AMD1: variants seen among roughly 807,000 people sequenced by gnomAD.
The protein encoded by AMD1 is adenosylmethionine decarboxylase 1.
A neutral mutation model predicts 40.2 loss-of-function variants in AMD1; 11 were observed. The ratio of observed to expected loss-of-function variants is 0.27; its 90% CI spans 0.17 to 0.45. The LOEUF (loss-of-function observed/expected upper bound fraction) is 0.45. Among genes scored for constraint, AMD1 ranks in the 20% least tolerant of loss-of-function variants. AMD1 has a pLI of 1.00. For synonymous variants in AMD1, 121 were observed against 130.8 expected (o/e 0.93, Z 0.51); for missense variants, 257 against 410.2 (o/e 0.63, Z 3.23).
the AMD1 span, among the ~76,000 whole-genome samples, chr6:110,839,862 G>T: frequency 6.6e-6 from 1 of 152,044 alleles, no homozygotes; most frequent in South Asian, 2.1e-4. Context: ...ATCAGGTTCG[G>T]AAAAGAATGT....
upstream of AMD1, among the ~76,000 whole-genome samples, chr6:110,874,617 G>A (rs1024885155): frequency 6.6e-6 from 1 of 152,208 alleles, no homozygotes; most frequent in African/African-American, 2.4e-5. Flanking sequence ...AGCGCAGTGG[G>A]CAGCTCCCCG....
At chr6:110,833,803 C>T in the AMD1 span, among the ~76,000 whole-genome samples, 1 of 152,102 alleles carries the variant, frequency 6.6e-6, no homozygotes, top group African/African-American at 2.4e-5. Context: ...TGTTTGAGCT[C>T]AGGAGTTCGA....
the AMD1 span, among the ~76,000 whole-genome samples, chr6:110,828,193 G>C: frequency 1.3e-5 from 2 of 152,144 alleles, no homozygotes; most frequent in African/African-American, 4.8e-5. Context: ...AACTTTGGGA[G>C]GCCAAGGTGG....
the AMD1 span, among the ~76,000 whole-genome samples, chr6:110,832,890 G>T: frequency 6.6e-6 from 1 of 152,156 alleles, no homozygotes; most frequent in South Asian, 2.1e-4. Flanking sequence ...GCACGATGTC[G>T]GCTCACTGCA....
the AMD1 span, among the ~76,000 whole-genome samples, chr6:110,838,597 G>A: frequency 2.7e-5 from 4 of 150,348 alleles, no homozygotes; most frequent in African/African-American, 4.9e-5. Flanking sequence ...AGTGGGTCAC[G>A]CCTGTAATCC....
the AMD1 span, among the ~76,000 whole-genome samples, chr6:110,827,828 G>A: frequency 2.3e-3 from 343 of 151,396 alleles, 1 homozygote; most frequent in African/African-American, 8.0e-3. Context: ...TCTTTTAGTG[G>A]TATTACTCTA....
the AMD1 span, among the ~76,000 whole-genome samples, chr6:110,838,624 C>T: frequency 2.6e-5 from 4 of 151,920 alleles, no homozygotes; most frequent in Non-Finnish European, 5.9e-5. Flanking sequence ...TTTGGGAGGC[C>T]GAGGTGGGTG....
the AMD1 span, among the ~76,000 whole-genome samples, chr6:110,822,869 C>A: frequency 6.6e-6 from 1 of 152,244 alleles, no homozygotes; most frequent in African/African-American, 2.4e-5. Flanking sequence ...AATCCTAGAA[C>A]TTTGGGAGGC....
chr6:110,820,684 T>C, the AMD1 span, among the ~76,000 whole-genome samples: 1 of 152,020 alleles, frequency 6.6e-6, no homozygotes, highest in Admixed American at 6.6e-5. Context: ...GGCAGATCAC[T>C]TGAAGTCAAG....
At chr6:110,873,166 A>G (rs1403968379), upstream of AMD1, among the ~76,000 whole-genome samples, 2 of 152,176 alleles carry the variant, frequency 1.3e-5, no homozygotes, top group Admixed American at 1.3e-4. Context: ...GGAGTTCAAG[A>G]CAAGCCTGGC....
chr6:110,893,256 T>C (rs993423797), intron 8 of AMD1, among the ~76,000 whole-genome samples, 191 bp downstream of exon 8: 6 of 152,210 alleles, frequency 3.9e-5, no homozygotes, highest in Admixed American at 3.9e-4. Flanking sequence ...GTCCTTGTTT[T>C]CTGTCTAGCC....
At chr6:110,875,288 G>A in intron 1 of AMD1, 73 bp downstream of exon 1, 1 of 1,236,694 alleles carries the variant, frequency 8.1e-7, no homozygotes. Context: ...AGCCACGGGT[G>A]GAGCCCGAGT....
At chr6:110,840,476 C>G in the AMD1 span, among the ~76,000 whole-genome samples, 1 of 152,128 alleles carries the variant, frequency 6.6e-6, no homozygotes, top group East Asian at 1.9e-4. Context: ...AGAACACTTA[C>G]GTTTACCAGT....
the AMD1 span, among the ~76,000 whole-genome samples, chr6:110,840,323 T>G: frequency 6.6e-6 from 1 of 151,900 alleles, no homozygotes; most frequent in Non-Finnish European, 1.5e-5. Flanking sequence ...ATCCCAGGGG[T>G]TGGGGGCTCA....
chr6:110,861,616 T>C, the AMD1 span, among the ~76,000 whole-genome samples: 3 of 151,920 alleles, frequency 2.0e-5, no homozygotes, highest in Non-Finnish European at 4.4e-5. Flanking sequence ...CCAAAGTGGA[T>C]GGATCACCTG....
intron 1 of AMD1, among the ~76,000 whole-genome samples, chr6:110,884,466 C>T (rs1024155542): frequency 1.3e-5 from 2 of 152,168 alleles, no homozygotes; most frequent in African/African-American, 2.4e-5. Flanking sequence ...GAGGGTCTTG[C>T]TCTGTTACCC....
chr6:110,855,507 G>A, the AMD1 span, among the ~76,000 whole-genome samples: 2 of 152,068 alleles, frequency 1.3e-5, no homozygotes, highest in Non-Finnish European at 2.9e-5. Context: ...GCCTTCCAAA[G>A]GCTGCCAAAA....
the AMD1 span, among the ~76,000 whole-genome samples, chr6:110,834,935 G>C: frequency 7.0e-6 from 1 of 142,424 alleles, no homozygotes; most frequent in Non-Finnish European, 1.5e-5. Context: ...GTGACAGAGA[G>C]AGACTCCATC....
chr6:110,836,939 A>G, the AMD1 span, among the ~76,000 whole-genome samples: 6 of 152,134 alleles, frequency 3.9e-5, no homozygotes, highest in Non-Finnish European at 7.4e-5. Context: ...ACATGGCTGG[A>G]GGTCAAGAGT....
Sources: allele counts gnomAD v4.1 joint callset (sites outside exome capture counted in the v4.1 genomes callset), GRCh38; gene constraint gnomAD v4.1.1; transcripts MANE v1.5; gene names NCBI Gene and HGNC (gene_info 2026-07-23, HGNC 2026-07-21).